The following DNA2 variants were observed in gnomAD, a reference collection of about 807,000 sequenced individuals.
The protein encoded by DNA2 is DNA replication ATP-dependent helicase/nuclease DNA2.
In DNA2, 101 loss-of-function variants were observed where a neutral mutation model predicts 119.1. The ratio of observed to expected loss-of-function variants is 0.85; its 90% CI spans 0.72 to 1.00. The LOEUF (loss-of-function observed/expected upper bound fraction) is 1.00, where lower values mean the gene tolerates loss of function less well. Among genes scored for constraint, DNA2 ranks in the 50% least tolerant of loss-of-function variants. The pLI is 0.00. For missense variants in DNA2, 1,121 were observed against 1,255.5 expected (o/e 0.89, Z 1.62); for synonymous variants, 366 against 424.4 (o/e 0.86, Z 1.69).
intron 1 of DNA2, 109 bp downstream of exon 1, chr10:68,471,682 T>C: frequency 7.4e-7 from 1 of 1,346,486 alleles, no homozygotes; most frequent in Non-Finnish European, 9.9e-7. Flanking sequence ...CTGCACCGGG[T>C]CCCTGGGCCC....
rs780891375 is a variant in DNA2 at position 68,422,233 on chromosome 10, T to C, written c.2689A>G (p.Thr897Ala). ...EPNNPVCFLN[T>A]DKVPAPEQVE... ...GAAATTTTTTTTTTTACCTTGTCTGTATTAAGGAAACAAACAGGATTGTTG... is the reference window on the plus strand; with the variant it reads ...GAAATTTTTTTTTTTACCTTGTCTGCATTAAGGAAACAAACAGGATTGTTG... The change falls in exon 17 of 21, where the codon ACA (threonine) becomes GCA (alanine). Residue 897 changes from threonine to alanine, a missense_variant. Transcript: ENST00000358410. 20 of 1,591,802 alleles carry C rather than the reference T, an allele frequency of 1.3e-5. No individual in the cohort carries two copies. In the South Asian group the frequency reaches 2.3e-4, roughly 18 times the overall value.
intron 6 of DNA2, 26 bp from the exon 7 acceptor site, chr10:68,446,439 A>G (rs1402307640): frequency 7.3e-7 from 1 of 1,361,248 alleles, no homozygotes; most frequent in Non-Finnish European, 1.0e-6. Flanking sequence ...CATTTGCTCA[A>G]ACAAAACTAT....
At chr10:68,438,528 G>GA (rs1345409195) in intron 9 of DNA2, among the ~76,000 whole-genome samples, 13 of 144,950 alleles carry the variant, frequency 9.0e-5, no homozygotes, top group Middle Eastern at 3.5e-3. Context: ...TCAAAAAAAA[G>GA]AAAAAAAAAC....
rs974449331 is a variant in DNA2, at chr10:68,414,995, G to C, written c.*44C>G. 1 of 1,259,708 alleles carries C rather than the reference G, an allele frequency of 7.9e-7. No homozygotes were observed. Among genetic ancestry groups the C allele is most frequent in the African/African-American group, 1.5e-5 (1 of 67,380 alleles). The allele number at this position is 1,259,708 out of a possible 1,614,324, so 78.0% of individuals were successfully genotyped here. A position where few individuals can be genotyped will look rare whatever the true frequency, so the allele number is the denominator to read the frequency against. On this transcript the variant is annotated 3_prime_UTR_variant, in exon 21 of 21. Coordinates refer to ENST00000358410, the MANE Select transcript of DNA2 (RefSeq NM_001080449.3). ...GAATTTTCTGTATGGGCACTAGCTA[G>C]AGGAGATACTGCCCTAGTATGAAAA...
At chr10:68,426,599 G>A (rs1035221298) in intron 14 of DNA2, among the ~76,000 whole-genome samples, 1 of 151,686 alleles carries the variant, frequency 6.6e-6, no homozygotes, top group Non-Finnish European at 1.5e-5. Flanking sequence ...ACTTTGGGAG[G>A]CCAAGGCAGG....
chr10:68,419,550 CACT>C, intron 18 of DNA2: 1 of 527,542 alleles, frequency 1.9e-6, no homozygotes. Context: ...AATTCCTAAT[CACT>C]ACAACATAGT....
At chr10:68,468,366 A>AT in intron 2 of DNA2, 60 bp from the exon 3 acceptor site, 1 of 1,124,016 alleles carries the variant, frequency 8.9e-7, no homozygotes, top group Non-Finnish European at 1.2e-6. Flanking sequence ...ATGTAAACGT[A>AT]TTAGGGAGGC....
chr10:68,432,178 C>A, intron 12 of DNA2, 28 bp downstream of exon 12: 1 of 1,444,542 alleles, frequency 6.9e-7, no homozygotes, highest in Non-Finnish European at 9.5e-7. Context: ...AAAAATTAAT[C>A]AAAGCAGACA....
In DNA2 at chr10:68,452,520, A is replaced by G. The variant is rs566508994; in HGVS notation, c.720-2273T>C. ...TAGAATACAGGTTAAAAAAACTTTT[A>G]AAGTTGTTACTAAAATTCAATGCCC... On this transcript the variant is annotated intron_variant, in intron 5 of 20. Transcript: ENST00000358410. 5.5e-4 allele frequency among the ~76,000 whole-genome samples: 83 copies of G among 152,232 alleles called. No individual in the cohort carries two copies. The South Asian group carries it at 0.016, about 30-fold the overall frequency.
chr10:68,447,934 A>G (rs2052063870), intron 6 of DNA2, among the ~76,000 whole-genome samples: 1 of 151,392 alleles, frequency 6.6e-6, no homozygotes, highest in African/African-American at 2.4e-5. Context: ...CAGTGAGCCG[A>G]GATCGCGCCA....
intron 19 of DNA2, among the ~76,000 whole-genome samples, chr10:68,417,944 T>G (rs2051613055): frequency 6.6e-6 from 1 of 152,198 alleles, no homozygotes; most frequent in Non-Finnish European, 1.5e-5. Flanking sequence ...TATGAGGTAC[T>G]TAGATTAGTC....
At chr10:68,470,239 C>T (rs2052369867) in intron 1 of DNA2, 76 bp from the exon 2 acceptor site, 8 of 1,268,234 alleles carry the variant, frequency 6.3e-6, no homozygotes, top group Non-Finnish European at 8.4e-6. Context: ...TATCTACAAA[C>T]CAATCTTCCA....
intron 14 of DNA2, among the ~76,000 whole-genome samples, chr10:68,428,009 G>C (rs2051765529): frequency 6.6e-6 from 1 of 151,452 alleles, no homozygotes; most frequent in South Asian, 2.1e-4. Flanking sequence ...CTCCAGCCTG[G>C]GCGCCAGAGC....
In DNA2 at chr10:68,419,808, C is replaced by T. The variant is rs75569266; in HGVS notation, c.2782G>A (p.Val928Ile). The change falls in exon 18 of 21, where the codon GTT becomes ATT. Residue 928 changes from valine (V) to isoleucine (I), a missense_variant. Coordinates refer to ENST00000358410, the MANE Select transcript of DNA2 (RefSeq NM_001080449.3). ...CCTTGAAAATTCTAAATTACCTTAA[C>T]AAAAATGGAGGTTAGGAAAACTATG... Reference protein sequence around the residue: ...KLIVFLTSIFVKAGCSPSDIG... With the variant: ...KLIVFLTSIFIKAGCSPSDIG... 8,589 of 1,612,212 alleles carry T rather than the reference C, an allele frequency of 5.3e-3. 390 individuals carry two copies. The African/African-American group carries it at 0.1, about 19-fold the overall frequency.
chr10:68,416,939 G>A (rs1162077079), intron 19 of DNA2, 84 bp from the exon 20 acceptor site: 3 of 1,237,354 alleles, frequency 2.4e-6, no homozygotes, highest in Non-Finnish European at 3.3e-6. Context: ...ATGGACACCT[G>A]TGCAAATTTA....
intron 4 of DNA2, among the ~76,000 whole-genome samples, chr10:68,463,443 C>CAAAAAA (rs35470662): frequency 3.4e-5 from 2 of 59,446 alleles, no homozygotes; most frequent in East Asian, 5.3e-4. Flanking sequence ...GACTCCATCT[C>CAAAAAA]AAAAAAAAAA....
chr10:68,434,446 A>C (rs2051861232), intron 10 of DNA2, among the ~76,000 whole-genome samples: 1 of 151,430 alleles, frequency 6.6e-6, no homozygotes, highest in Non-Finnish European at 1.5e-5. Flanking sequence ...CCATGAGTTC[A>C]AGACCAGGCT....
chr10:68,419,441 G>A (rs933760886), intron 18 of DNA2: 13 of 521,560 alleles, frequency 2.5e-5, no homozygotes, highest in Non-Finnish European at 3.7e-5. Flanking sequence ...TCATGAGAAC[G>A]TAAAGGATTA....
At chr10:68,447,050 C>T (rs1021077826) in intron 6 of DNA2, among the ~76,000 whole-genome samples, 1 of 151,938 alleles carries the variant, frequency 6.6e-6, no homozygotes, top group Non-Finnish European at 1.5e-5. Context: ...GGGATGGATA[C>T]CGCATTTACT....
Sources: gnomAD v4.1 joint callset for allele counts (sites outside exome capture counted in the v4.1 genomes callset) on GRCh38, gnomAD v4.1.1 for gene constraint, MANE v1.5 for transcripts, NCBI Gene and HGNC (gene_info 2026-07-23, HGNC 2026-07-21) for gene names.